FSTL5: variants seen among roughly 807,000 people sequenced by gnomAD.
FSTL5 encodes follistatin-related protein 5.
In FSTL5, 62 loss-of-function variants were observed where a neutral mutation model predicts 89.1. The ratio of observed to expected loss-of-function variants is 0.70; its 90% CI spans 0.57 to 0.86. FSTL5 has a LOEUF of 0.86. FSTL5 is among the 40% of genes least tolerant of loss of function. The pLI is 0.00. For synonymous variants in FSTL5, 383 were observed against 346.2 expected (o/e 1.11, Z -1.18); for missense variants, 1,057 against 1,001.6 (o/e 1.06, Z -0.75).
chr4:162,111,149 T>C (rs1731421972), intron 2 of FSTL5, 122 bp downstream of exon 2: 2 of 766,586 alleles, frequency 2.6e-6, no homozygotes, highest in Non-Finnish European at 3.9e-6. Flanking sequence ...TTAAAAATAA[T>C]ATGGAAACTA....
chr4:162,049,577 T>C (rs1738314005), intron 2 of FSTL5, among the ~76,000 whole-genome samples: 1 of 152,154 alleles, frequency 6.6e-6, no homozygotes, highest in South Asian at 2.1e-4. Context: ...CCTTTGGTTC[T>C]CAACCCTGTA....
At position 161,824,487 on chromosome 4, in the gene FSTL5, C is replaced by T. The variant is rs961781540; in HGVS notation, c.410-48413G>A. Among the ~76,000 whole-genome samples the T allele has an allele frequency of 7.9e-5, 12 of 152,072 alleles. No individual in the cohort carries two copies. The South Asian group carries it at 1.0e-3, about 13-fold the overall frequency. ...TTCTTTTTGCTTAGTCTTGCTTTGG[C>T]TATGTGGGTTCTTTTTTGGTTTCAT... On this transcript the variant is annotated intron_variant, in intron 4 of 15. Transcript: ENST00000306100.
At chr4:161,696,393 G>C (rs1231710922) in intron 6 of FSTL5, among the ~76,000 whole-genome samples, 1 of 152,038 alleles carries the variant, frequency 6.6e-6, no homozygotes, top group Admixed American at 6.6e-5. Context: ...CAGGTAATGT[G>C]GTGTCTCCAT....
At chr4:162,064,029 C>A (rs927320291) in intron 2 of FSTL5, among the ~76,000 whole-genome samples, 2 of 151,744 alleles carry the variant, frequency 1.3e-5, no homozygotes, top group Non-Finnish European at 2.9e-5. Flanking sequence ...CCATAAGTTG[C>A]CTTACTTACA....
chr4:161,877,853 A>G (rs373757708), intron 4 of FSTL5, among the ~76,000 whole-genome samples: 1 of 149,262 alleles, frequency 6.7e-6, no homozygotes, highest in African/African-American at 2.5e-5. Flanking sequence ...ACGGGGTTTC[A>G]CCGTGTTAGC....
chr4:161,700,063 G>T (rs1738332808), intron 6 of FSTL5, among the ~76,000 whole-genome samples: 1 of 152,136 alleles, frequency 6.6e-6, no homozygotes, highest in Non-Finnish European at 1.5e-5. Flanking sequence ...TGACAACATA[G>T]TTCTTGTTGC....
chr4:161,813,922 A>G lies in FSTL5; in HGVS notation c.410-37848T>C, dbSNP rs1730244753. 1.3e-5 allele frequency among the ~76,000 whole-genome samples: 2 copies of G among 152,150 alleles called. 1 individual carries two copies. Among genetic ancestry groups the G allele is most frequent in the Admixed American group, 1.3e-4 (2 of 15,282 alleles). On this transcript the variant is annotated intron_variant, in intron 4 of 15. Transcript: ENST00000306100. Reference sequence around the variant, plus strand: ...AATTTTATTTAAATAGAAAAGGGAAATTTTATTTTATAAACATAATCAATA... The same window carrying G: ...AATTTTATTTAAATAGAAAAGGGAAGTTTTATTTTATAAACATAATCAATA...
rs541132160 is a variant in FSTL5, at chr4:161,407,542, C to T, written c.1842-21093G>A. 3.3e-5 allele frequency among the ~76,000 whole-genome samples: 5 copies of T among 152,238 alleles called. No individual in the cohort carries two copies. In the East Asian group the frequency reaches 9.7e-4, roughly 29 times the overall value. ...GAGGATTGCCTACTCTCACTGTGGA[C>T]CTCTGGAATCCTAGCTGCAGGGACC... On this transcript the variant is annotated intron_variant, in intron 15 of 15. Transcript: ENST00000306100.
intron 2 of FSTL5, among the ~76,000 whole-genome samples, chr4:162,060,565 T>TA (rs1738689371): frequency 6.6e-6 from 1 of 152,076 alleles, no homozygotes; most frequent in Admixed American, 6.6e-5. Flanking sequence ...CTACATATGA[T>TA]ATCCTGATAC....
chr4:161,744,456 T>C (rs1021528140), intron 6 of FSTL5, among the ~76,000 whole-genome samples: 1 of 152,144 alleles, frequency 6.6e-6, no homozygotes, highest in Non-Finnish European at 1.5e-5. Context: ...CTTTCCCTAA[T>C]TTTATGTCTA....
intron 4 of FSTL5, among the ~76,000 whole-genome samples, chr4:161,840,681 G>T (rs1448531217): frequency 1.3e-5 from 2 of 152,132 alleles, no homozygotes; most frequent in Non-Finnish European, 2.9e-5. Flanking sequence ...TGTGATATCT[G>T]ATAAACCAAA....
intron 4 of FSTL5, among the ~76,000 whole-genome samples, chr4:161,829,023 A>G (rs192833663): frequency 1.4e-4 from 22 of 151,736 alleles, no homozygotes; most frequent in Admixed American, 1.4e-3. Flanking sequence ...TCAAGGAATT[A>G]AATTTTAAGA....
intron 6 of FSTL5, among the ~76,000 whole-genome samples, chr4:161,681,255 CT>C (rs1322694617): frequency 1.3e-5 from 2 of 151,928 alleles, no homozygotes; most frequent in Non-Finnish European, 2.9e-5. Context: ...TTTTGTTTTG[CT>C]TTGTTTTCTC....
intron 6 of FSTL5, among the ~76,000 whole-genome samples, chr4:161,664,647 C>T (rs892131591): frequency 1.2e-4 from 18 of 152,272 alleles, no homozygotes; most frequent in Middle Eastern, 3.4e-3. Flanking sequence ...GACCTCCAAA[C>T]TGTTCTAAAC....
At chr4:161,973,830 C>T (rs775261924) in intron 3 of FSTL5, among the ~76,000 whole-genome samples, 6 of 151,930 alleles carry the variant, frequency 3.9e-5, no homozygotes, top group East Asian at 3.9e-4. Flanking sequence ...GATTATCTCC[C>T]GACGACATGA....
chr4:161,656,049 A>G (rs529581040), intron 7 of FSTL5, among the ~76,000 whole-genome samples: 6 of 152,320 alleles, frequency 3.9e-5, no homozygotes, highest in African/African-American at 1.4e-4. Context: ...ATATTTACAT[A>G]TTAAAACTTA....
In FSTL5 at chr4:161,524,801, T is replaced by C. The variant is rs550550282; in HGVS notation, c.1312+13365A>G. On this transcript the variant is annotated intron_variant, in intron 10 of 15. Transcript: ENST00000306100. ...GGTGAAACCTTGTCTCTACTAAAAA[T>C]ACAAAAATTAGCCGGAGGTGGTGGC... 2.0e-5 allele frequency among the ~76,000 whole-genome samples: 3 copies of C among 151,972 alleles called. No homozygotes were observed. The East Asian group carries it at 5.8e-4, about 30-fold the overall frequency.
intron 10 of FSTL5, among the ~76,000 whole-genome samples, chr4:161,537,823 G>T (rs537486462): frequency 5.3e-5 from 8 of 152,208 alleles, no homozygotes; most frequent in African/African-American, 1.9e-4. Flanking sequence ...ATACACATTG[G>T]ATACATTTGG....
intron 4 of FSTL5, among the ~76,000 whole-genome samples, chr4:161,905,020 G>C (rs1361292273): frequency 6.6e-6 from 1 of 151,810 alleles, no homozygotes; most frequent in African/African-American, 2.4e-5. Flanking sequence ...AGGGCAGTTG[G>C]AGACATTATG....
Sources: gnomAD v4.1 joint callset for allele counts (sites outside exome capture counted in the v4.1 genomes callset) on GRCh38, gnomAD v4.1.1 for gene constraint, MANE v1.5 for transcripts, NCBI Gene and HGNC (gene_info 2026-07-23, HGNC 2026-07-21) for gene names.